The following TTC28 variants were observed in gnomAD, a reference collection of about 807,000 sequenced individuals.
TTC28 encodes the protein tetratricopeptide repeat domain 28.
TTC28 carries 61 observed loss-of-function variants against 198.0 expected under a neutral mutation model. The ratio of observed to expected loss-of-function variants is 0.31; its 90% CI spans 0.25 to 0.38. The LOEUF is 0.38. TTC28 is among the 10% of genes least tolerant of loss of function. TTC28 has a pLI of 1.00. For missense variants in TTC28, 2,678 were observed against 3,164.0 expected, an observed-to-expected ratio of 0.85 and a Z score of 3.69; for synonymous variants, 1,171 against 1,297.8, an observed-to-expected ratio of 0.90 and a Z score of 2.10.
intron 2 of TTC28, among the ~76,000 whole-genome samples, chr22:28,499,910 T>C (rs892059039): frequency 6.6e-6 from 1 of 152,178 alleles, no homozygotes; most frequent in African/African-American, 2.4e-5. Context: ...ACTCATCATC[T>C]CAAACATTTA....
intron 2 of TTC28, among the ~76,000 whole-genome samples, chr22:28,392,567 G>A (rs1337957104): frequency 2.0e-5 from 3 of 152,206 alleles, no homozygotes; most frequent in Admixed American, 6.5e-5. Context: ...TAAGCCCATC[G>A]GAAAAGCGCA....
intron 2 of TTC28, among the ~76,000 whole-genome samples, chr22:28,481,560 C>A (rs2048247035): frequency 2.0e-5 from 3 of 152,000 alleles, no homozygotes; most frequent in African/African-American, 7.3e-5. Context: ...TAACAAAATG[C>A]AGAAAGTCTT....
At chr22:28,405,683 G>A (rs2146116362) in intron 2 of TTC28, among the ~76,000 whole-genome samples, 1 of 152,292 alleles carries the variant, frequency 6.6e-6, no homozygotes, top group East Asian at 1.9e-4. Context: ...ATGTCTCTCT[G>A]AGGTAAGGGG....
intron 2 of TTC28, among the ~76,000 whole-genome samples, chr22:28,554,343 C>T (rs905517007): frequency 6.7e-6 from 1 of 149,582 alleles, no homozygotes; most frequent in South Asian, 2.1e-4. Flanking sequence ...AAATCCCCCT[C>T]TGCAAGAAAC....
At chr22:28,336,672 T>G (rs916277589) in intron 2 of TTC28, among the ~76,000 whole-genome samples, 16 of 152,158 alleles carry the variant, frequency 1.1e-4, no homozygotes, top group African/African-American at 2.4e-4. Flanking sequence ...ATTTCTGTGG[T>G]ATCGGTGGTG....
intron 2 of TTC28, among the ~76,000 whole-genome samples, chr22:28,357,321 T>TTA (rs1555975599): frequency 6.8e-6 from 1 of 146,562 alleles, no homozygotes; most frequent in Non-Finnish European, 1.5e-5. Flanking sequence ...TCTTATTTTT[T>TTA]TTTTTTTTTT....
At chr22:28,286,111 T>C (rs1270506874) in intron 5 of TTC28, among the ~76,000 whole-genome samples, 1 of 152,100 alleles carries the variant, frequency 6.6e-6, no homozygotes, top group Admixed American at 6.5e-5. Context: ...GCCATTCTCC[T>C]GCCTCAGCCT....
intron 5 of TTC28, among the ~76,000 whole-genome samples, chr22:28,290,638 G>A (rs918172516): frequency 2.6e-5 from 4 of 152,208 alleles, no homozygotes; most frequent in African/African-American, 7.2e-5. Flanking sequence ...AGGGCCTGGC[G>A]TGGTCGCTCA....
Position 28,632,253 on chromosome 22 carries a change from C to CTTTTTTTTTTTT in TTC28, c.103-2435_103-2424dup, listed in dbSNP as rs765447917. Among the ~76,000 whole-genome samples, 5 of 49,670 alleles carry CTTTTTTTTTTTT rather than the reference C, an allele frequency of 1.0e-4. 1 individual carries two copies. Among genetic ancestry groups the CTTTTTTTTTTTT allele is most frequent in the African/African-American group, 2.3e-4 (3 of 12,786 alleles). 32.6% of individuals were successfully genotyped at this position (49,670 alleles called of 152,430 possible). A position where few individuals can be genotyped will look rare whatever the true frequency, so the allele number is the denominator to read the frequency against. On this transcript the variant is annotated intron_variant, in intron 1 of 22. Transcript: ENST00000397906. ...ATATCAGTGTCCAAGTTATATTCAA[C>CTTTTTTTTTTTT]TTTTTTTTTTTTTTTTTTTTTTTTT...
intron 2 of TTC28, among the ~76,000 whole-genome samples, chr22:28,474,048 G>T (rs1188318614): frequency 1.3e-5 from 2 of 152,068 alleles, no homozygotes. Context: ...TTAATACCCT[G>T]CTAAAATAAT....
intron 22 of TTC28, 41 bp from the exon 23 acceptor site, chr22:27,983,892 C>A: frequency 6.6e-7 from 1 of 1,507,370 alleles, no homozygotes; most frequent in Non-Finnish European, 8.8e-7. Flanking sequence ...AGTTAGAATT[C>A]TATATGGTTT....
intron 6 of TTC28, among the ~76,000 whole-genome samples, chr22:28,152,340 T>C (rs977521712): frequency 6.6e-6 from 1 of 152,162 alleles, no homozygotes; most frequent in African/African-American, 2.4e-5. Flanking sequence ...CTTTTTCATC[T>C]TCTTGTGGAT....
At chr22:28,045,779 C>G (rs1939837665) in intron 12 of TTC28, among the ~76,000 whole-genome samples, 1 of 152,180 alleles carries the variant, frequency 6.6e-6, no homozygotes, top group Non-Finnish European at 1.5e-5. Flanking sequence ...GCCTGGCCAA[C>G]ATGGTGAAAC....
chr22:28,537,293 AAAAAT>A (rs58235209), intron 2 of TTC28, among the ~76,000 whole-genome samples: 13,397 of 110,206 alleles, frequency 0.12, 1,155 homozygotes, highest in African/African-American at 0.14. Flanking sequence ...ACTCCGTCTC[AAAAAT>A]AAAATAAAAT....
At chr22:28,381,849 A>G (rs564852947) in intron 2 of TTC28, among the ~76,000 whole-genome samples, 2 of 152,298 alleles carry the variant, frequency 1.3e-5, no homozygotes, top group East Asian at 3.9e-4. Context: ...TCCAAAACAT[A>G]TATTTCTCTG....
intron 5 of TTC28, among the ~76,000 whole-genome samples, chr22:28,164,620 C>T (rs1306743721): frequency 6.6e-6 from 1 of 152,142 alleles, no homozygotes; most frequent in Non-Finnish European, 1.5e-5. Flanking sequence ...ACAGAAAGGA[C>T]ATCCACAACA....
At chr22:28,489,605 T>C (rs1159015673) in intron 2 of TTC28, among the ~76,000 whole-genome samples, 5 of 152,090 alleles carry the variant, frequency 3.3e-5, no homozygotes, top group East Asian at 1.9e-4. Flanking sequence ...GTAACACTTA[T>C]ATTCACTCTA....
intron 1 of TTC28, among the ~76,000 whole-genome samples, chr22:28,645,989 G>A (rs572402325): frequency 5.9e-5 from 9 of 152,056 alleles, no homozygotes; most frequent in African/African-American, 2.2e-4. Flanking sequence ...AAAGTTGAAG[G>A]CATTCCCCCT....
chr22:27,985,039 C>A (rs569622403), intron 22 of TTC28, among the ~76,000 whole-genome samples: 2 of 152,350 alleles, frequency 1.3e-5, no homozygotes, highest in Admixed American at 6.5e-5. Flanking sequence ...TGCTTGAGCA[C>A]GTGCCAGCAC....
Sources: allele counts gnomAD v4.1 joint callset (sites outside exome capture counted in the v4.1 genomes callset), GRCh38; gene constraint gnomAD v4.1.1; transcripts MANE v1.5; gene names NCBI Gene and HGNC (gene_info 2026-07-23, HGNC 2026-07-21).